Variants in CCDC68 observed in about 807,000 individuals in gnomAD.
CCDC68 encodes coiled-coil domain-containing protein 68.
A neutral mutation model predicts 47.1 loss-of-function variants in CCDC68; 45 were observed. The observed-to-expected ratio is 0.96, with a 90% CI of 0.75 to 1.23. CCDC68 has a LOEUF of 1.23. Ranked by LOEUF, CCDC68 falls within the 50% of genes most tolerant of loss-of-function variation. The pLI is 0.00. For synonymous variants in CCDC68, 131 were observed against 129.5 expected, an observed-to-expected ratio of 1.01 and a Z score of -0.08; for missense variants, 353 against 373.6, an observed-to-expected ratio of 0.94 and a Z score of 0.45.
At chr18:54,918,240 A>C (rs2043989609) in intron 9 of CCDC68, among the ~76,000 whole-genome samples, 3 of 152,226 alleles carry the variant, frequency 2.0e-5, no homozygotes, top group African/African-American at 7.2e-5. Context: ...TGTTTAAACC[A>C]AGTTCAGCAG....
At chr18:54,906,297 A>C (rs923818486) in intron 11 of CCDC68, among the ~76,000 whole-genome samples, 1 of 152,120 alleles carries the variant, frequency 6.6e-6, no homozygotes, top group African/African-American at 2.4e-5. Flanking sequence ...TCAATTAGGA[A>C]ATTTCCCCCA....
In CCDC68 at chr18:54,903,754, C is replaced by G; in HGVS notation, c.*604G>C. ...GCCATGATTCTCAACTTCAGAGGGGCATATGGGTTGGGGAATTAGCTAAAA... is the reference window on the plus strand; with the variant it reads ...GCCATGATTCTCAACTTCAGAGGGGGATATGGGTTGGGGAATTAGCTAAAA... On this transcript the variant is annotated 3_prime_UTR_variant, in exon 12 of 12. Coordinates refer to ENST00000591504, the MANE Select transcript of CCDC68 (RefSeq NM_025214.3). The G allele has an allele frequency of 6.6e-6, 1 of 152,142 alleles. No individual in the cohort carries two copies. Among genetic ancestry groups the G allele is most frequent in the Non-Finnish European group, 1.5e-5 (1 of 68,048 alleles). The allele number at this position is 152,142 out of a possible 1,614,324, so 9.4% of individuals were successfully genotyped here.
chr18:54,921,297 AT>A (rs2044056130), intron 8 of CCDC68, among the ~76,000 whole-genome samples: 2 of 152,224 alleles, frequency 1.3e-5, no homozygotes, highest in South Asian at 4.1e-4. Flanking sequence ...GCATCAGGCA[AT>A]ATACCCACGT....
intron 7 of CCDC68, among the ~76,000 whole-genome samples, chr18:54,930,623 T>TCCCCC (rs1568147328): frequency 3.8e-5 from 1 of 26,004 alleles, no homozygotes; most frequent in Non-Finnish European, 7.7e-5. Flanking sequence ...TCCCTTCCCT[T>TCCCCC]CCCCTCCCTC....
rs1226725847 is a variant in CCDC68 at position 54,905,755 on chromosome 18, C to T, written c.951-1340G>A. On this transcript the variant is annotated intron_variant, in intron 11 of 11. Transcript: ENST00000591504. Reference sequence around the variant, plus strand: ...CCATGGACTGGTACCAGTCTATGGCCTGTTAGGCATAGGACTACACAGCAG... The same window carrying T: ...CCATGGACTGGTACCAGTCTATGGCTTGTTAGGCATAGGACTACACAGCAG... Among the ~76,000 whole-genome samples, 3 of 152,094 alleles carry T rather than the reference C, an allele frequency of 2.0e-5. No homozygotes were observed. In the East Asian group the frequency reaches 5.8e-4, roughly 29 times the overall value.
chr18:54,947,136 C>T (rs2044541878), intron 1 of CCDC68, among the ~76,000 whole-genome samples: 1 of 152,190 alleles, frequency 6.6e-6, no homozygotes, highest in Admixed American at 6.5e-5. Flanking sequence ...TCCATGTTAG[C>T]ATTTTATTTC....
rs71368982 is a variant in CCDC68 at position 54,943,845 on chromosome 18, A to G, written c.-12-1042T>C. Among the ~76,000 whole-genome samples, 6 of 152,266 alleles carry G rather than the reference A, an allele frequency of 3.9e-5. 1 individual carries two copies. The highest frequency in any genetic ancestry group is 3.9e-4 in the Admixed American group (6 of 15,290). On this transcript the variant is annotated intron_variant, in intron 2 of 11. Coordinates refer to ENST00000591504, the MANE Select transcript of CCDC68 (RefSeq NM_025214.3). ...TATCATAAAAGAAAAAATAAAATAT[A>G]CAACAAAAATGTTAGGTGAAGCCGG... is the stretch of plus-strand genomic sequence containing the variant.
intron 1 of CCDC68, among the ~76,000 whole-genome samples, chr18:54,948,434 G>A (rs371603495): frequency 1.4e-4 from 22 of 152,258 alleles, no homozygotes; most frequent in South Asian, 4.2e-4. Flanking sequence ...AACCAGCCCT[G>A]CAGACACCTT....
Position 54,936,893 on chromosome 18 carries a change from GT to G in CCDC68, c.410del (p.Asn137ThrfsTer9). On this transcript the variant is annotated frameshift_variant, in exon 6 of 12. Transcript: ENST00000591504. LOFTEE classifies it high-confidence loss of function. ...LRNVAQRLFE[N>X]YQTQSEEVRK... is the part of the protein sequence containing the mutation. Reference sequence around the variant, plus strand: ...TCACTTCTTCAGATTGCGTTTGGTAGTTTTCAAATAATCTCTGGGCCACGTT... The same window carrying G: ...TCACTTCTTCAGATTGCGTTTGGTAGTTTCAAATAATCTCTGGGCCACGTT... 6.2e-7 allele frequency: 1 copy of G among 1,614,084 alleles called. No individual in the cohort carries two copies. Among genetic ancestry groups the G allele is most frequent in the Non-Finnish European group, 8.5e-7 (1 of 1,179,976 alleles).
chr18:54,930,404 C>T (rs1039352181), intron 7 of CCDC68, among the ~76,000 whole-genome samples: 1 of 152,128 alleles, frequency 6.6e-6, no homozygotes, highest in Non-Finnish European at 1.5e-5. Flanking sequence ...GGCTTCCTGG[C>T]ACATATTTGG....
At chr18:54,948,780 G>A (rs1057346733) in intron 1 of CCDC68, among the ~76,000 whole-genome samples, 1 of 152,188 alleles carries the variant, frequency 6.6e-6, no homozygotes, top group Admixed American at 6.5e-5. Flanking sequence ...GATGAGTGAC[G>A]TGAAGAAAAG....
chr18:54,920,864 C>A (rs759133275), intron 8 of CCDC68, among the ~76,000 whole-genome samples: 1 of 152,112 alleles, frequency 6.6e-6, no homozygotes, highest in South Asian at 2.1e-4. Flanking sequence ...AAAGGAAAAC[C>A]GATCATTCTA....
Position 54,937,955 on chromosome 18 carries a change from A to G in CCDC68, c.345+2T>C. On this transcript the variant is annotated splice_donor_variant, in intron 5 of 11. Coordinates refer to ENST00000591504, the MANE Select transcript of CCDC68 (RefSeq NM_025214.3). LOFTEE classifies it high-confidence loss of function. Reference sequence around the variant, plus strand: ...AAAATTTGAAACTTCTAAAAGTCATACCTTGATTTTCAATACTTCATTCTC... The same window carrying G: ...AAAATTTGAAACTTCTAAAAGTCATGCCTTGATTTTCAATACTTCATTCTC... 6.2e-7 allele frequency: 1 copy of G among 1,609,382 alleles called. No homozygotes were observed. Among genetic ancestry groups the G allele is most frequent in the Non-Finnish European group, 8.5e-7 (1 of 1,178,484 alleles).
At chr18:54,908,697 G>T (rs1172998945) in intron 10 of CCDC68, among the ~76,000 whole-genome samples, 1 of 152,140 alleles carries the variant, frequency 6.6e-6, no homozygotes, top group Non-Finnish European at 1.5e-5. Context: ...TAAGAGTAAA[G>T]GCAATTGGTT....
At chr18:54,922,287 A>G (rs1181332461) in intron 8 of CCDC68, among the ~76,000 whole-genome samples, 4 of 152,178 alleles carry the variant, frequency 2.6e-5, no homozygotes, top group Admixed American at 2.6e-4. Context: ...GGGAGATGGA[A>G]GAGCCTTCCA....
At chr18:54,932,310 G>A (rs2044278296) in intron 7 of CCDC68, among the ~76,000 whole-genome samples, 1 of 151,290 alleles carries the variant, frequency 6.6e-6, no homozygotes, top group Admixed American at 6.6e-5. Flanking sequence ...TCAGCCTCCA[G>A]AGTAGCTGGG....
chr18:54,949,959 C>T (rs1381911817), intron 1 of CCDC68, among the ~76,000 whole-genome samples: 5 of 152,160 alleles, frequency 3.3e-5, no homozygotes, highest in African/African-American at 7.2e-5. Flanking sequence ...CCAGTGGCTA[C>T]GTCAGGAGGA....
At chr18:54,931,382 C>A (rs982988324) in intron 7 of CCDC68, among the ~76,000 whole-genome samples, 5 of 152,234 alleles carry the variant, frequency 3.3e-5, no homozygotes, top group Admixed American at 1.3e-4. Flanking sequence ...TACCTCCAGA[C>A]AGCTCCAGGT....
rs757699312 is a variant in CCDC68, at chr18:54,907,871, GA to G, written c.874-10del. The G allele has an allele frequency of 5.5e-5, 83 of 1,518,396 alleles. No individual in the cohort carries two copies. The highest frequency in any genetic ancestry group is 8.2e-5 in the African/African-American group (6 of 72,872). The allele number at this position is 1,518,396 out of a possible 1,614,324, so 94.1% of individuals were successfully genotyped here. On this transcript the variant is annotated splice_polypyrimidine_tract_variant and intron_variant, in intron 10 of 11. Coordinates refer to ENST00000591504, the MANE Select transcript of CCDC68 (RefSeq NM_025214.3). ...GTTTTTAGTTCTTTATTCTAAAATT[GA>G]AAAAAAATGCAGACGTCAAATAGCT...
Sources: gnomAD v4.1 joint callset for allele counts (sites outside exome capture counted in the v4.1 genomes callset) on GRCh38, gnomAD v4.1.1 for gene constraint, MANE v1.5 for transcripts, NCBI Gene and HGNC (gene_info 2026-07-23, HGNC 2026-07-21) for gene names.